RAD21: variants seen among roughly 807,000 people sequenced by gnomAD.
RAD21 encodes the protein RAD21 cohesin complex component.
Under a neutral mutation model 71.5 loss-of-function variants are expected in RAD21, and 18 were observed. The observed-to-expected ratio is 0.25, with a 90% CI of 0.17 to 0.37. The LOEUF is 0.37. RAD21 is among the 10% of genes least tolerant of loss of function. The pLI, the probability that RAD21 is intolerant of heterozygous loss-of-function variation, is 1.00. For missense variants in RAD21, 493 were observed against 769.1 expected, an observed-to-expected ratio of 0.64 and a Z score of 4.25; for synonymous variants, 248 against 254.0, an observed-to-expected ratio of 0.98 and a Z score of 0.22.
intron 3 of RAD21, among the ~76,000 whole-genome samples, chr8:116,862,350 T>A (rs574690704): frequency 6.6e-6 from 1 of 152,100 alleles, no homozygotes; most frequent in Non-Finnish European, 1.5e-5. Context: ...AAGTTGTCTA[T>A]AATAAATATG....
intron 1 of RAD21, among the ~76,000 whole-genome samples, chr8:116,869,948 A>G (rs957264505): frequency 5.3e-5 from 8 of 152,224 alleles, no homozygotes; most frequent in African/African-American, 1.9e-4. Flanking sequence ...CATGATGTAG[A>G]GAAAATATAT....
intron 4 of RAD21, 82 bp from the exon 5 acceptor site, chr8:116,858,540 T>A: frequency 9.3e-7 from 1 of 1,072,280 alleles, no homozygotes; most frequent in South Asian, 1.5e-5. Context: ...TAAGAAAAAT[T>A]AAAAAAATAT....
Position 116,846,416 on chromosome 8 carries a change from TTAA to T in RAD21, c.*1081_*1083del, listed in dbSNP as rs1355458876. On this transcript the variant is annotated 3_prime_UTR_variant, in exon 14 of 14. Transcript: ENST00000297338. ...ATGATTTCTGATGCTATCTGGTCTG[TTAA>T]TAATAAAGTCTTTATTTGGATGTAT... 1.3e-5 allele frequency: 3 copies of T among 227,846 alleles called. No homozygotes were observed. Among genetic ancestry groups the T allele is most frequent in the Non-Finnish European group, 2.6e-5 (3 of 114,574 alleles). The allele number at this position is 227,846 out of a possible 1,614,324, so 14.1% of individuals were successfully genotyped here. A position where few individuals can be genotyped will look rare whatever the true frequency, so the allele number is the denominator to read the frequency against.
At chr8:116,850,538 T>G in intron 12 of RAD21, 80 bp downstream of exon 12, 1 of 1,549,812 alleles carries the variant, frequency 6.5e-7, no homozygotes, top group Non-Finnish European at 8.7e-7. Context: ...TCAGCATCAA[T>G]TAAGTTAGCC....
At chr8:116,857,514 A>G in intron 5 of RAD21, 41 bp from the exon 6 acceptor site, 2 of 1,514,800 alleles carry the variant, frequency 1.3e-6, no homozygotes, top group Non-Finnish European at 1.8e-6. Context: ...GAAAGATTAG[A>G]AATAGCACTG....
At chr8:116,853,086 A>AT (rs569678080) in intron 9 of RAD21, among the ~76,000 whole-genome samples, 2,307 of 149,804 alleles carry the variant, frequency 0.015, 26 homozygotes, top group Middle Eastern at 0.069. Context: ...CATTTAAACT[A>AT]TTTTTTTTTT....
intron 2 of RAD21, among the ~76,000 whole-genome samples, chr8:116,865,754 C>G (rs1812677026): frequency 6.6e-6 from 1 of 151,936 alleles, no homozygotes; most frequent in Non-Finnish European, 1.5e-5. Flanking sequence ...CACAAGTTTT[C>G]TTTGTGTATA....
At chr8:116,852,778 C>A (rs556601959) in intron 9 of RAD21, 70 bp from the exon 10 acceptor site, 2 of 1,151,910 alleles carry the variant, frequency 1.7e-6, no homozygotes, top group African/African-American at 3.2e-5. Flanking sequence ...CCACTGATTT[C>A]TATCTTCCAA....
At chr8:116,873,693 G>A (rs1812894055) in intron 1 of RAD21, among the ~76,000 whole-genome samples, 1 of 151,608 alleles carries the variant, frequency 6.6e-6, no homozygotes, top group Non-Finnish European at 1.5e-5. Context: ...AAATCCCCCA[G>A]GGTTTCCCTC....
At chr8:116,852,411 A>G (rs968427906) in intron 10 of RAD21, 138 bp downstream of exon 10, 4 of 946,396 alleles carry the variant, frequency 4.2e-6, no homozygotes, top group African/African-American at 1.7e-5. Flanking sequence ...TAAGGCAATC[A>G]GATCCAATGC....
chr8:116,869,646 A>T (rs191437273), intron 1 of RAD21, among the ~76,000 whole-genome samples: 13 of 152,314 alleles, frequency 8.5e-5, no homozygotes, highest in African/African-American at 3.1e-4. Flanking sequence ...ACTGATGACA[A>T]ATAAGAACAT....
chr8:116,856,028 A>G, intron 8 of RAD21, 138 bp downstream of exon 8: 4 of 925,896 alleles, frequency 4.3e-6, no homozygotes, highest in Non-Finnish European at 4.7e-6. Context: ...GTAGCAGATC[A>G]GTAGACAGGC....
chr8:116,856,077 T>C (rs998136390), intron 8 of RAD21, 89 bp downstream of exon 8: 57 of 1,422,770 alleles, frequency 4.0e-5, no homozygotes, highest in Non-Finnish European at 4.5e-5. Flanking sequence ...AGTTATCTAA[T>C]ACAACAGTAG....
chr8:116,848,935 A>C lies in RAD21; in HGVS notation c.1704+11T>G. ...ATGAAGCATTTTCCTCTGAGACAAC[A>C]GCGGCAATACCTGAAGACCATGAAG... On this transcript the variant is annotated intron_variant, in intron 13 of 13. Coordinates refer to ENST00000297338, the MANE Select transcript of RAD21 (RefSeq NM_006265.3). The C allele has an allele frequency of 6.3e-7, 1 of 1,597,686 alleles. No homozygotes were observed. The highest frequency in any genetic ancestry group is 1.1e-5 in the South Asian group (1 of 88,540).
Position 116,847,503 on chromosome 8 carries a change from T to C in RAD21, c.1893A>G (p.Ile631Met). 1.2e-6 allele frequency: 2 copies of C among 1,606,622 alleles called. No individual in the cohort carries two copies. Among genetic ancestry groups the C allele is most frequent in the Non-Finnish European group, 1.7e-6 (2 of 1,176,812 alleles). The change falls in exon 14 of 14, where the codon ATA becomes ATG. Residue 631 changes from isoleucine to methionine, a missense_variant. Around this residue, in one of 5 missense-constraint regions of RAD21, gnomAD observed 34 missense variants for 59.9 expected, o/e 0.57. Transcript: ENST00000297338. Reference sequence around the variant, plus strand: ...TAGCTATAATGCTTCTAGCTCCTTATATAATATGGAACCTTGGTCCAGGTG... The same window carrying C: ...TAGCTATAATGCTTCTAGCTCCTTACATAATATGGAACCTTGGTCCAGGTG... ...IATPGPRFHI[I>M]
At chr8:116,863,750 C>T (rs183183916) in intron 2 of RAD21, among the ~76,000 whole-genome samples, 74 of 152,140 alleles carry the variant, frequency 4.9e-4, no homozygotes, top group African/African-American at 1.7e-3. Context: ...TTCCCTCTTT[C>T]CTGCTTTGTG....
At position 116,850,607 on chromosome 8, in the gene RAD21, A is replaced by T. The variant is rs781589574; in HGVS notation, c.1620+11T>A. 4 of 1,603,640 alleles carry T rather than the reference A, an allele frequency of 2.5e-6. No homozygotes were observed. The highest frequency in any genetic ancestry group is 3.4e-6 in the Non-Finnish European group (4 of 1,174,518). On this transcript the variant is annotated intron_variant, in intron 12 of 13. Coordinates refer to ENST00000297338, the MANE Select transcript of RAD21 (RefSeq NM_006265.3). ...TGCTAAATCTGGAATGAAAATTATT[A>T]ATTAGTTTACCTCTTCCTCTTCATC...
At chr8:116,860,655 T>C (rs184507508) in intron 4 of RAD21, among the ~76,000 whole-genome samples, 41 of 152,200 alleles carry the variant, frequency 2.7e-4, no homozygotes, top group African/African-American at 9.6e-4. Flanking sequence ...GCACACTTAA[T>C]AGACTACAGT....
In RAD21 at chr8:116,854,332, C is replaced by T. The variant is rs2130462942; in HGVS notation, c.1074G>A (p.Lys358=). The change falls in exon 9 of 14, where the codon AAG becomes AAA. Residue 358 remains lysine (K), a synonymous_variant. Transcript: ENST00000297338. Reference sequence around the variant, plus strand: ...CTGTCTCTTTCCACATCATCAATTTCTTGGTGGGCGGTGCCAGATCCAAAG... The same window carrying T: ...CTGTCTCTTTCCACATCATCAATTTTTTGGTGGGCGGTGCCAGATCCAAAG... ...VTTLDLAPPT[K]KLMMWKETGG... 3 of 1,613,938 alleles carry T rather than the reference C, an allele frequency of 1.9e-6. No homozygotes were observed. In the South Asian group the frequency reaches 3.3e-5, roughly 18 times the overall value.
Sources: allele counts gnomAD v4.1 joint callset (sites outside exome capture counted in the v4.1 genomes callset), GRCh38; gene constraint gnomAD v4.1.1; regional missense constraint gnomAD v4.1.1; transcripts MANE v1.5; gene names NCBI Gene and HGNC (gene_info 2026-07-23, HGNC 2026-07-21).